CDK12: variants seen among roughly 807,000 people sequenced by gnomAD.
CDK12 encodes cyclin dependent kinase 12, also known as cyclin-dependent kinase 12.
In CDK12, 17 loss-of-function variants were observed where a neutral mutation model predicts 133.8. That is an observed-to-expected ratio of 0.13 (90% CI 0.09 to 0.19). CDK12 has a LOEUF of 0.19. Among genes scored for constraint, CDK12 ranks in the 10% least tolerant of loss-of-function variants. The pLI, the probability that CDK12 is intolerant of heterozygous loss-of-function variation, is 1.00. For missense variants in CDK12, 1,508 were observed against 1,818.7 expected (o/e 0.83, Z 3.11); for synonymous variants, 694 against 683.6 (o/e 1.02, Z -0.24).
chr17:39,465,545 GGAGCGATCTCGGTTCACTGC>G (rs2049245093), intron 1 of CDK12, among the ~76,000 whole-genome samples: 4 of 151,614 alleles, frequency 2.6e-5, no homozygotes, highest in Admixed American at 2.6e-4. Context: ...GGAGTGCAGT[GGAGCGATCTCGGTTCACTGC>G]AACCTCTGCC....
chr17:39,522,306 T>G (rs2054224045), intron 11 of CDK12, among the ~76,000 whole-genome samples: 4 of 151,868 alleles, frequency 2.6e-5, no homozygotes, highest in Admixed American at 2.6e-4. Flanking sequence ...AGACTGGTCT[T>G]GAAGTCCCGA....
At chr17:39,498,927 C>CT (rs1417249813) in intron 5 of CDK12, among the ~76,000 whole-genome samples, 2 of 426 alleles carry the variant, frequency 4.7e-3, no homozygotes, top group African/African-American at 0.011. Context: ...TTCTTTCTTT[C>CT]TTTCTTTCTT....
chr17:39,544,734 G>A (rs1016020356), upstream of CDK12, among the ~76,000 whole-genome samples: 13 of 149,332 alleles, frequency 8.7e-5, no homozygotes, highest in African/African-American at 3.0e-4. Flanking sequence ...GGGTTCAAGC[G>A]ATTCTCCTGC....
chr17:39,492,830 A>G lies in CDK12; in HGVS notation c.2188A>G (p.Ile730Val). The G allele has an allele frequency of 6.2e-7, 1 of 1,613,430 alleles. No homozygotes were observed. Among genetic ancestry groups the G allele is most frequent in the Non-Finnish European group, 8.5e-7 (1 of 1,179,492 alleles). Residue 730 changes from isoleucine (I) to valine (V), a missense_variant, in exon 4 of 14, where the codon ATT (isoleucine) becomes GTT (valine). By Grantham distance (29) the Ile-to-Val change is conservative. This residue lies in a region of CDK12 where 74 missense variants were observed against 160.2 expected (regional missense o/e 0.46). Transcript: ENST00000447079. ...GKRCVDKFDIIGIIGEGTYGQ... is the reference protein window; with the variant it reads ...GKRCVDKFDIVGIIGEGTYGQ... ...ACGCTGTGTGGACAAGTTTGACATT[A>G]TTGGGATTATTGGAGAAGGAACCTA...
chr17:39,566,558 G>A (rs1363822344), downstream of CDK12, among the ~76,000 whole-genome samples: 1 of 152,018 alleles, frequency 6.6e-6, no homozygotes, highest in Non-Finnish European at 1.5e-5. Flanking sequence ...CTCACAGACT[G>A]TACAGTTTCA....
intron 6 of CDK12, among the ~76,000 whole-genome samples, chr17:39,501,687 A>G (rs913476738): frequency 3.3e-5 from 5 of 152,068 alleles, no homozygotes; most frequent in Non-Finnish European, 5.9e-5. Flanking sequence ...TCTGCCTAGT[A>G]CTTACTCCTA....
At chr17:39,498,865 A>C (rs1419585870) in intron 5 of CDK12, among the ~76,000 whole-genome samples, 4 of 145,752 alleles carry the variant, frequency 2.7e-5, no homozygotes, top group South Asian at 2.2e-4. Context: ...TTTTAATACT[A>C]TGATTTTCTC....
intron 3 of CDK12, among the ~76,000 whole-genome samples, chr17:39,557,233 G>T (rs1002391619): frequency 6.6e-6 from 1 of 152,184 alleles, no homozygotes; most frequent in Admixed American, 6.5e-5. Context: ...CGGCCGCTGA[G>T]TCTGGTGGGA....
chr17:39,547,628 A>T (rs1378442459), upstream of CDK12: 1 of 152,288 alleles, frequency 6.6e-6, no homozygotes, highest in African/African-American at 2.4e-5. Flanking sequence ...AGCAGAATCA[A>T]CTACTAGGTG....
downstream of CDK12, among the ~76,000 whole-genome samples, chr17:39,538,156 A>G (rs557915338): frequency 2.0e-5 from 3 of 152,356 alleles, no homozygotes; most frequent in Non-Finnish European, 2.9e-5. Context: ...TAACACTGTT[A>G]TCTACATAGT....
At chr17:39,518,533 T>A (rs977079829) in intron 10 of CDK12, among the ~76,000 whole-genome samples, 12 of 152,018 alleles carry the variant, frequency 7.9e-5, no homozygotes, top group African/African-American at 2.9e-4. Context: ...TCCCTCTCTG[T>A]TATTTTATTT....
rs551670286 is a variant in CDK12 at position 39,479,639 on chromosome 17, T to C, written c.1931+7876T>C. ...TGTTTTGTTTTGTTTTTTGTTTTTTTCCCCCGAGACAGAGTCTTGCTCTGT... is the reference window on the plus strand; with the variant it reads ...TGTTTTGTTTTGTTTTTTGTTTTTTCCCCCCGAGACAGAGTCTTGCTCTGT... On this transcript the variant is annotated intron_variant, in intron 2 of 13. Coordinates refer to ENST00000447079, the MANE Select transcript of CDK12 (RefSeq NM_016507.4). Among the ~76,000 whole-genome samples, 99 of 152,028 alleles carry C rather than the reference T, an allele frequency of 6.5e-4. 1 individual carries two copies. The highest frequency in any genetic ancestry group is 3.4e-3 in the Middle Eastern group (1 of 294).
chr17:39,522,732 C>T (rs1340656298), intron 11 of CDK12, among the ~76,000 whole-genome samples: 3 of 152,230 alleles, frequency 2.0e-5, no homozygotes, highest in African/African-American at 7.2e-5. Context: ...CCGCACCCAG[C>T]CAGATTACTG....
intron 11 of CDK12, among the ~76,000 whole-genome samples, chr17:39,520,516 G>A (rs144242511): frequency 0.054 from 8,134 of 150,864 alleles, 240 homozygotes; most frequent in Non-Finnish European, 0.079. Context: ...TCAGCCTCCC[G>A]AGTAGCTGGG....
At chr17:39,477,609 G>T (rs1406414238) in intron 2 of CDK12, among the ~76,000 whole-genome samples, 3 of 144,268 alleles carry the variant, frequency 2.1e-5, no homozygotes, top group Middle Eastern at 3.6e-3. Context: ...GTCTTGCTCT[G>T]TCGCCCAGGC....
At chr17:39,480,584 A>G (rs914265729) in intron 2 of CDK12, among the ~76,000 whole-genome samples, 8 of 151,708 alleles carry the variant, frequency 5.3e-5, no homozygotes, top group Non-Finnish European at 1.0e-4. Flanking sequence ...TGGGATTCCA[A>G]CTAATTTTTT....
chr17:39,468,879 C>G (rs1229569419), intron 1 of CDK12, among the ~76,000 whole-genome samples: 1 of 151,884 alleles, frequency 6.6e-6, no homozygotes, highest in Non-Finnish European at 1.5e-5. Flanking sequence ...GTGGCGCAAT[C>G]TCTGCTCACT....
intron 8 of CDK12, among the ~76,000 whole-genome samples, chr17:39,514,877 C>T (rs1426879301): frequency 6.6e-6 from 1 of 152,110 alleles, no homozygotes; most frequent in African/African-American, 2.4e-5. Flanking sequence ...AATCCCTTTC[C>T]TCTACCCGTA....
At chr17:39,518,238 A>G (rs1231018428) in intron 10 of CDK12, among the ~76,000 whole-genome samples, 1 of 151,602 alleles carries the variant, frequency 6.6e-6, no homozygotes, top group African/African-American at 2.4e-5. Flanking sequence ...CTGCCTTCCA[A>G]AGTGCTGGGA....
Sources: allele counts gnomAD v4.1 joint callset (sites outside exome capture counted in the v4.1 genomes callset), GRCh38; gene constraint gnomAD v4.1.1; regional missense constraint gnomAD v4.1.1; transcripts MANE v1.5; gene names NCBI Gene and HGNC (gene_info 2026-07-23, HGNC 2026-07-21).